The following ZBTB37 variants were observed in gnomAD, a reference collection of about 807,000 sequenced individuals.
ZBTB37 encodes zinc finger and BTB domain-containing protein 37.
A neutral mutation model predicts 37.7 loss-of-function variants in ZBTB37; 15 were observed. That is an observed-to-expected ratio of 0.40 (90% CI 0.27 to 0.61). The LOEUF (loss-of-function observed/expected upper bound fraction) is 0.61, where lower values mean the gene tolerates loss of function less well. Ranked by LOEUF, ZBTB37 falls within the 20% of genes least tolerant of loss-of-function variation. ZBTB37 has a pLI of 0.44. For synonymous variants in ZBTB37, 231 were observed against 220.6 expected (o/e 1.05, Z -0.42); for missense variants, 514 against 641.9 (o/e 0.80, Z 2.15).
intron 4 of ZBTB37, among the ~76,000 whole-genome samples, chr1:173,885,299 T>C (rs1437119130): frequency 6.6e-6 from 1 of 152,148 alleles, no homozygotes; most frequent in African/African-American, 2.4e-5. Context: ...TAGAATATAA[T>C]TGTAAGATTA....
At chr1:173,871,958 CTA>C (rs1313288003) in intron 3 of ZBTB37, among the ~76,000 whole-genome samples, 1 of 152,170 alleles carries the variant, frequency 6.6e-6, no homozygotes, top group African/African-American at 2.4e-5. Flanking sequence ...TTTAAATTGA[CTA>C]TATGAGCAAA....
chr1:173,893,271 T>G (rs1414837865), exon 4 of ZBTB37: 2 of 152,216 alleles, frequency 1.3e-5, no homozygotes, highest in Non-Finnish European at 2.9e-5. Flanking sequence ...ACTGTGAATC[T>G]TAGGATTTCA....
At chr1:173,902,015 A>C (rs777884221) in exon 4 of ZBTB37, 2 of 152,190 alleles carry the variant, frequency 1.3e-5, no homozygotes, top group Non-Finnish European at 2.9e-5. Flanking sequence ...CAGAGGCCAG[A>C]ATCCAGGACA....
chr1:173,872,503 A>G (rs1655641827), intron 3 of ZBTB37, among the ~76,000 whole-genome samples: 1 of 152,076 alleles, frequency 6.6e-6, no homozygotes, highest in South Asian at 2.1e-4. Context: ...GCCTGGCTTC[A>G]GGTGATCTTG....
exon 4 of ZBTB37, chr1:173,899,903 T>G (rs916579956): frequency 1.3e-5 from 2 of 152,244 alleles, no homozygotes; most frequent in Non-Finnish European, 2.9e-5. Context: ...CCATCCAGTT[T>G]CCTCTCTATA....
chr1:173,874,196 T>C (rs1335598437), intron 4 of ZBTB37, among the ~76,000 whole-genome samples: 1 of 136,056 alleles, frequency 7.3e-6, no homozygotes, highest in Non-Finnish European at 1.6e-5. Flanking sequence ...CGGAGGTTGC[T>C]GTGAGCCGAG....
chr1:173,880,061 T>A (rs1656213723), intron 4 of ZBTB37, among the ~76,000 whole-genome samples: 2 of 151,872 alleles, frequency 1.3e-5, no homozygotes, highest in Admixed American at 1.3e-4. Context: ...ACTAATGGGG[T>A]GTGGGGGAAA....
chr1:173,893,776 C>T (rs1032752341), exon 4 of ZBTB37: 1 of 152,198 alleles, frequency 6.6e-6, no homozygotes, highest in Non-Finnish European at 1.5e-5. Context: ...AGATAACATC[C>T]TCATTTTAGA....
chr1:173,888,461 C>G (rs977482973), downstream of ZBTB37: 1 of 146,232 alleles, frequency 6.8e-6, no homozygotes, highest in African/African-American at 2.7e-5. Context: ...GTGTCTTCCT[C>G]TTGTCACCCA....
downstream of ZBTB37, chr1:173,887,248 T>A (rs1038809293): frequency 2.0e-5 from 3 of 152,230 alleles, no homozygotes; most frequent in Non-Finnish European, 4.4e-5. Context: ...CTTATACATA[T>A]GTAATAGTTT....
exon 5 of ZBTB37, chr1:173,885,842 T>C (rs994637428): frequency 1.9e-6 from 3 of 1,551,732 alleles, no homozygotes; most frequent in Non-Finnish European, 1.7e-6. Context: ...GCAAGAAGTA[T>C]ACCCGGAAAG....
chr1:173,873,169 T>C (rs1655687311), intron 3 of ZBTB37, among the ~76,000 whole-genome samples: 1 of 152,190 alleles, frequency 6.6e-6, no homozygotes, highest in Admixed American at 6.5e-5. Context: ...CCCGTTTTAA[T>C]TTATTCTTTT....
chr1:173,902,792 G>C (rs1361875414), exon 4 of ZBTB37: 3 of 152,134 alleles, frequency 2.0e-5, no homozygotes, highest in Non-Finnish European at 2.9e-5. Context: ...GAGAGTTAAG[G>C]AGGGAGAGCT....
chr1:173,868,560 C>G (rs762175061), intron 1 of ZBTB37, among the ~76,000 whole-genome samples, 155 bp downstream of exon 1: 4 of 152,222 alleles, frequency 2.6e-5, no homozygotes, highest in Non-Finnish European at 5.9e-5. Context: ...CCTTCCACCC[C>G]CTTGGCCCCC....
At chr1:173,894,098 T>C (rs986897930) in exon 4 of ZBTB37, 2 of 152,228 alleles carry the variant, frequency 1.3e-5, no homozygotes, top group Non-Finnish European at 2.9e-5. Context: ...GCAGTTGATC[T>C]CTGAGCAGAG....
intron 4 of ZBTB37, among the ~76,000 whole-genome samples, chr1:173,878,112 G>A (rs1397840374): frequency 6.6e-6 from 1 of 152,164 alleles, no homozygotes. Context: ...AAGTCTGAAT[G>A]CCTCATTTCT....
chr1:173,887,386 A>C (rs1445454192), downstream of ZBTB37: 1 of 152,208 alleles, frequency 6.6e-6, no homozygotes, highest in African/African-American at 2.4e-5. Context: ...TTAATAATAT[A>C]CTACAGGGCA....
intron 3 of ZBTB37, among the ~76,000 whole-genome samples, chr1:173,872,964 G>A (rs944487962): frequency 3.3e-5 from 5 of 150,788 alleles, no homozygotes; most frequent in African/African-American, 1.2e-4. Flanking sequence ...CTGGGATCAC[G>A]CCACTGTACT....
intron 4 of ZBTB37, 88 bp from the exon 5 acceptor site, chr1:173,885,548 G>A (rs1656575778): frequency 8.7e-7 from 1 of 1,143,280 alleles, no homozygotes; most frequent in African/African-American, 1.6e-5. Flanking sequence ...ATATATCTTA[G>A]TAACAAGTAA....
Sources: gnomAD v4.1 joint callset for allele counts (sites outside exome capture counted in the v4.1 genomes callset) on GRCh38, gnomAD v4.1.1 for gene constraint, MANE v1.5 for transcripts, NCBI Gene and HGNC (gene_info 2026-07-23, HGNC 2026-07-21) for gene names.